The following PARD3B variants were observed in gnomAD, a reference collection of about 807,000 sequenced individuals.
PARD3B encodes par-3 family cell polarity regulator beta, also known as partitioning defective 3 homolog B.
In PARD3B, 103 loss-of-function variants were observed where a neutral mutation model predicts 130.2. That is an observed-to-expected ratio of 0.79 (90% confidence interval 0.67 to 0.93). The LOEUF is 0.93. Ranked by LOEUF, PARD3B falls within the 40% of genes least tolerant of loss-of-function variation. The probability of loss-of-function intolerance (pLI) is 0.00; values close to 1 mark genes in which losing one functional copy is unlikely to be tolerated. For missense variants in PARD3B, 1,609 were observed against 1,499.2 expected, an observed-to-expected ratio of 1.07 and a Z score of -1.21; for synonymous variants, 583 against 553.2, an observed-to-expected ratio of 1.05 and a Z score of -0.76.
intron 3 of PARD3B, among the ~76,000 whole-genome samples, chr2:205,004,966 A>G (rs886842894): frequency 2.6e-5 from 4 of 152,094 alleles, no homozygotes; most frequent in Admixed American, 6.6e-5. Flanking sequence ...TTAGTAGGAG[A>G]GTCAGTATAA....
At chr2:204,771,287 C>G (rs529117029) in intron 2 of PARD3B, among the ~76,000 whole-genome samples, 1 of 152,086 alleles carries the variant, frequency 6.6e-6, no homozygotes, top group East Asian at 1.9e-4. Context: ...GTAGCACTGC[C>G]ATAGATAGTA....
intron 16 of PARD3B, among the ~76,000 whole-genome samples, chr2:205,250,468 G>A (rs754493968): frequency 2.6e-5 from 4 of 152,150 alleles, no homozygotes; most frequent in Non-Finnish European, 5.9e-5. Context: ...AGGCAAGTGT[G>A]TGAAAGTAAT....
rs2046421428 is a variant in PARD3B at position 204,890,905 on chromosome 2, T to A, written c.223-74247T>A. ...AAAACAACTGTGACATTGATCCTTT[T>A]CAACAGGCAAGAGATAATATCTCTT... On this transcript the variant is annotated intron_variant, in intron 2 of 22. Transcript: ENST00000406610. The surrounding 1 kb of genome is among the most constrained non-coding windows in gnomAD (Gnocchi z 4.9). Among the ~76,000 whole-genome samples the A allele has an allele frequency of 6.6e-6, 1 of 152,142 alleles. No homozygotes were observed. Among genetic ancestry groups the A allele is most frequent in the South Asian group, 2.1e-4 (1 of 4,828 alleles).
chr2:204,871,842 A>C (rs1181681955), intron 2 of PARD3B, among the ~76,000 whole-genome samples: 5 of 152,084 alleles, frequency 3.3e-5, no homozygotes, highest in Non-Finnish European at 7.4e-5. Context: ...GCTCTTCTTC[A>C]TCTACTTGTG....
intron 18 of PARD3B, among the ~76,000 whole-genome samples, chr2:205,386,393 T>C (rs192420670): frequency 1.6e-3 from 250 of 152,258 alleles, no homozygotes; most frequent in Non-Finnish European, 2.9e-3. Context: ...TTCTAACCAA[T>C]TGAGCTAAAT....
chr2:205,142,684 C>T lies in PARD3B; in HGVS notation c.1435-16038C>T, dbSNP rs537480971. ...CAAGAGGTCAGGAGTTTGAGACCAACCTGGTCAACATGGTGAAACCCCGTC... is the reference window on the plus strand; with the variant it reads ...CAAGAGGTCAGGAGTTTGAGACCAATCTGGTCAACATGGTGAAACCCCGTC... On this transcript the variant is annotated intron_variant, in intron 10 of 22. Coordinates refer to ENST00000406610, the MANE Select transcript of PARD3B (RefSeq NM_001302769.2). The surrounding 1 kb of genome is among the most constrained non-coding windows in gnomAD (Gnocchi z 4.3). Among the ~76,000 whole-genome samples the T allele has an allele frequency of 1.1e-4, 17 of 152,116 alleles. No homozygotes were observed. The highest frequency in any genetic ancestry group is 4.6e-4 in the Admixed American group (7 of 15,298).
intron 18 of PARD3B, among the ~76,000 whole-genome samples, chr2:205,306,454 G>A (rs960606329): frequency 1.3e-5 from 2 of 152,070 alleles, no homozygotes; most frequent in African/African-American, 2.4e-5. Flanking sequence ...AAAACTGTTA[G>A]AGCTTCACAT....
intron 20 of PARD3B, among the ~76,000 whole-genome samples, chr2:205,450,995 A>G (rs919840233): frequency 6.6e-6 from 1 of 152,188 alleles, no homozygotes; most frequent in Non-Finnish European, 1.5e-5. Flanking sequence ...GACTAGTCCA[A>G]TTTCTATGGG....
At chr2:205,037,160 A>T (rs1169553773) in intron 3 of PARD3B, among the ~76,000 whole-genome samples, 1 of 124,294 alleles carries the variant, frequency 8.0e-6, no homozygotes, top group Non-Finnish European at 1.7e-5. Flanking sequence ...AAACAAATAT[A>T]CATATATAGC....
intron 2 of PARD3B, among the ~76,000 whole-genome samples, chr2:204,873,390 G>A (rs1232867529): frequency 1.3e-5 from 2 of 152,164 alleles, no homozygotes; most frequent in Non-Finnish European, 1.5e-5. Context: ...CTGAAAGTGG[G>A]AGATTTAGAC....
intron 19 of PARD3B, among the ~76,000 whole-genome samples, chr2:205,438,149 C>A (rs1416246185): frequency 1.3e-5 from 2 of 152,136 alleles, no homozygotes; most frequent in African/African-American, 4.8e-5. Flanking sequence ...CTGAAACACT[C>A]ACTGGTGCAG....
chr2:204,644,492 A>G (rs2125158559), intron 1 of PARD3B, among the ~76,000 whole-genome samples: 1 of 152,324 alleles, frequency 6.6e-6, no homozygotes, highest in South Asian at 2.1e-4. Context: ...TTACTATGTT[A>G]GTTGAAAGTG....
At chr2:205,336,976 T>TA (rs34061573) in intron 18 of PARD3B, among the ~76,000 whole-genome samples, 27,440 of 147,262 alleles carry the variant, frequency 0.19, 2,816 homozygotes, top group African/African-American at 0.28. Flanking sequence ...TTATTTCTTG[T>TA]AAAAAAAAAA....
intron 4 of PARD3B, among the ~76,000 whole-genome samples, chr2:205,062,731 T>A (rs1249769718): frequency 6.6e-6 from 1 of 152,070 alleles, no homozygotes; most frequent in Non-Finnish European, 1.5e-5. Flanking sequence ...AAGAATAAAA[T>A]GTTTTTAAAG....
intron 16 of PARD3B, among the ~76,000 whole-genome samples, chr2:205,290,001 A>G (rs765822499): frequency 7.2e-5 from 11 of 152,180 alleles, no homozygotes; most frequent in Non-Finnish European, 1.3e-4. Flanking sequence ...TTATAGCAAC[A>G]AAAAACGGAC....
intron 18 of PARD3B, among the ~76,000 whole-genome samples, chr2:205,336,324 T>C (rs1170327109): frequency 6.6e-6 from 1 of 152,222 alleles, no homozygotes; most frequent in African/African-American, 2.4e-5. Flanking sequence ...AGGGCCTTTT[T>C]CCCTTAAAGA....
chr2:204,856,704 T>G (rs2044955256), intron 2 of PARD3B, among the ~76,000 whole-genome samples: 1 of 152,148 alleles, frequency 6.6e-6, no homozygotes, highest in African/African-American at 2.4e-5. Context: ...TTTGAGTAAA[T>G]TTTTGAATAT....
At chr2:204,607,840 T>G (rs577495513) in intron 1 of PARD3B, among the ~76,000 whole-genome samples, 5 of 152,116 alleles carry the variant, frequency 3.3e-5, no homozygotes, top group Admixed American at 3.3e-4. Flanking sequence ...TCCTTGGGAG[T>G]TTTACAGCTG....
chr2:204,703,561 G>C (rs762723593), intron 2 of PARD3B, among the ~76,000 whole-genome samples: 2 of 152,158 alleles, frequency 1.3e-5, no homozygotes, highest in Non-Finnish European at 2.9e-5. Flanking sequence ...ATTATAAAAT[G>C]ATTTGAATTT....
Sources: allele counts gnomAD v4.1 joint callset (sites outside exome capture counted in the v4.1 genomes callset), GRCh38; gene constraint gnomAD v4.1.1; non-coding constraint Gnocchi (gnomAD v3.1); transcripts MANE v1.5; gene names NCBI Gene and HGNC (gene_info 2026-07-23, HGNC 2026-07-21).